TPPP: variants seen among roughly 807,000 people sequenced by gnomAD.
TPPP encodes the protein tubulin polymerization-promoting protein.
Under a neutral mutation model 15.5 loss-of-function variants are expected in TPPP, and 6 were observed. The observed-to-expected ratio is 0.39, with a 90% CI of 0.21 to 0.77. TPPP has a LOEUF of 0.77. Among genes scored for constraint, TPPP ranks in the 30% least tolerant of loss-of-function variants. The pLI, the probability that TPPP is intolerant of heterozygous loss-of-function variation, is 0.42. For synonymous variants in TPPP, 146 were observed against 133.9 expected (o/e 1.09, Z -0.63); for missense variants, 269 against 307.2 (o/e 0.88, Z 0.93).
intron 1 of TPPP, among the ~76,000 whole-genome samples, chr5:680,968 GCC>G (rs1475408321): frequency 6.0e-4 from 92 of 152,348 alleles, no homozygotes; most frequent in African/African-American, 1.4e-3. Flanking sequence ...GGAGATGGGA[GCC>G]ACACTGTCTG....
In TPPP at chr5:677,802, C is replaced by G. The variant is rs1467375576; in HGVS notation, c.259G>C (p.Asp87His). ...TCAGTGACGGTCACGTTCCTGCCGT[C>G]GATCACCTGGCAGTCCTTGCACAGC... ...SKLCKDCQVI[D>H]GRNVTVTDVD... Residue 87 changes from aspartate to histidine, a missense_variant, in exon 2 of 4, where the codon GAC (aspartate) becomes CAC (histidine). Transcript: ENST00000360578. 1.9e-6 allele frequency: 3 copies of G among 1,601,780 alleles called. No individual in the cohort carries two copies. Among genetic ancestry groups the G allele is most frequent in the Non-Finnish European group, 2.6e-6 (3 of 1,172,238 alleles).
chr5:678,270 G>A (rs928024881), intron 1 of TPPP, among the ~76,000 whole-genome samples: 2 of 148,694 alleles, frequency 1.3e-5, no homozygotes, highest in African/African-American at 5.2e-5. Context: ...CGGGCAGAGT[G>A]GAGCCAAGCG....
At chr5:670,043 G>T (rs560348347) in intron 2 of TPPP, among the ~76,000 whole-genome samples, 489 of 152,082 alleles carry the variant, frequency 3.2e-3, no homozygotes, top group Non-Finnish European at 5.3e-3. Context: ...CATACACGAT[G>T]CCCTGCGGGG....
intron 2 of TPPP, among the ~76,000 whole-genome samples, chr5:666,548 A>G (rs985086927): frequency 1.3e-5 from 2 of 152,260 alleles, no homozygotes; most frequent in Non-Finnish European, 2.9e-5. Context: ...ACACAGGAAC[A>G]TGGTTAGGAG....
In TPPP at chr5:669,695, G is replaced by A. The variant is rs117535218; in HGVS notation, c.312-3572C>T. ...GCTGAGGGGCTCCCCCATCAGAGGC[G>A]ACATTCAGATCCGGACACCTGCTCT... On this transcript the variant is annotated intron_variant, in intron 2 of 3. Transcript: ENST00000360578. Among the ~76,000 whole-genome samples, 467 of 152,196 alleles carry A rather than the reference G, an allele frequency of 3.1e-3. 6 individuals carry two copies. Among genetic ancestry groups the A allele is most frequent in the East Asian group, 5.3e-3 (27 of 5,130 alleles).
At chr5:677,002 GCA>G (rs1159512486) in intron 2 of TPPP, among the ~76,000 whole-genome samples, 31 of 147,130 alleles carry the variant, frequency 2.1e-4, no homozygotes, top group African/African-American at 7.0e-4. Flanking sequence ...GCGCACACGT[GCA>G]CACGCAGAAA....
Position 660,659 on chromosome 5 carries a change from G to A in TPPP, c.*4443C>T, listed in dbSNP as rs1471464045. 6.6e-6 allele frequency: 1 copy of A among 152,340 alleles called. No homozygotes were observed. Among genetic ancestry groups the A allele is most frequent in the Non-Finnish European group, 1.5e-5 (1 of 68,096 alleles). The allele number at this position is 152,340 out of a possible 1,614,324, so 9.4% of individuals were successfully genotyped here. On this transcript the variant is annotated 3_prime_UTR_variant, in exon 4 of 4. Transcript: ENST00000360578. ...GGACAGGTAAGTGTCCAGGGCCAAG[G>A]CATCTCCATCTCAACTCCTCCCCAC... is the stretch of plus-strand genomic sequence containing the variant.
chr5:673,163 TC>T (rs1740282147), intron 2 of TPPP, among the ~76,000 whole-genome samples: 1 of 151,952 alleles, frequency 6.6e-6, no homozygotes, highest in Non-Finnish European at 1.5e-5. Flanking sequence ...CAAAAGCAAC[TC>T]CCACAGGCCC....
At chr5:677,085 C>G (rs72707043) in intron 2 of TPPP, among the ~76,000 whole-genome samples, 4 of 152,188 alleles carry the variant, frequency 2.6e-5, no homozygotes, top group Non-Finnish European at 5.9e-5. Flanking sequence ...GTGCACACGA[C>G]GCAGAAAAAG....
intron 2 of TPPP, among the ~76,000 whole-genome samples, chr5:675,053 G>A (rs1580086897): frequency 3.1e-5 from 3 of 95,612 alleles, no homozygotes; most frequent in Admixed American, 9.6e-5. Flanking sequence ...CAGTATGGCT[G>A]GGGGTGCAGT....
chr5:681,935 C>T (rs1311557983), intron 1 of TPPP, among the ~76,000 whole-genome samples: 6 of 152,106 alleles, frequency 3.9e-5, no homozygotes, highest in East Asian at 1.9e-4. Context: ...TCCAAGGACT[C>T]GGCCACCTAG....
At chr5:665,396 C>G in intron 3 of TPPP, 100 bp from the exon 4 acceptor site, 1 of 1,142,542 alleles carries the variant, frequency 8.8e-7, no homozygotes, top group Non-Finnish European at 1.2e-6. Context: ...AGCGGTGGGG[C>G]ACTGGGCAAG....
intron 2 of TPPP, among the ~76,000 whole-genome samples, chr5:667,791 G>T (rs1457489899): frequency 6.6e-6 from 1 of 152,116 alleles, no homozygotes; most frequent in Non-Finnish European, 1.5e-5. Flanking sequence ...CACACGGAGA[G>T]GGGTCCGCGT....
intron 1 of TPPP, among the ~76,000 whole-genome samples, chr5:685,522 G>A (rs1251683283): frequency 6.6e-6 from 1 of 152,228 alleles, no homozygotes; most frequent in Non-Finnish European, 1.5e-5. Flanking sequence ...GGGGTGGGAG[G>A]GGCCCTGCAC....
chr5:672,584 G>C (rs563028985), intron 2 of TPPP, among the ~76,000 whole-genome samples: 1 of 152,222 alleles, frequency 6.6e-6, no homozygotes, highest in South Asian at 2.1e-4. Flanking sequence ...CTCGCCCAGA[G>C]GCTGGTGGTG....
rs563228941 is a variant in TPPP at position 661,755 on chromosome 5, A to G, written c.*3347T>C. 1 of 152,520 alleles carries G rather than the reference A, an allele frequency of 6.6e-6. No individual in the cohort carries two copies. The highest frequency in any genetic ancestry group is 1.5e-5 in the Non-Finnish European group (1 of 68,044). The allele number at this position is 152,520 out of a possible 1,614,324, so 9.4% of individuals were successfully genotyped here. A position where few individuals can be genotyped will look rare whatever the true frequency, so the allele number is the denominator to read the frequency against. On this transcript the variant is annotated 3_prime_UTR_variant, in exon 4 of 4. Transcript: ENST00000360578. ...CAAGTTGTAACTGACAGTGGTGACC[A>G]CTATGTCCTCGTGACTTTATTTTTG...
chr5:678,462 C>A (rs1314502762), intron 1 of TPPP, among the ~76,000 whole-genome samples: 1 of 144,430 alleles, frequency 6.9e-6, no homozygotes, highest in Non-Finnish European at 1.5e-5. Context: ...TTCCACTGTC[C>A]CTCCTGTGGA....
At chr5:697,501 G>T (rs866954750), upstream of TPPP, among the ~76,000 whole-genome samples, 1 of 152,060 alleles carries the variant, frequency 6.6e-6, no homozygotes, top group Admixed American at 6.6e-5. Flanking sequence ...GCGGAGGGCC[G>T]CAGAGAAGGG....
At position 692,883 on chromosome 5, in the gene TPPP, G is replaced by C. The variant is rs866706164; in HGVS notation, c.-5+395C>G. ...CACGCCTCACACCGGCGGCCCCCTAGGCCTGGGAATAGGGAAACGGTTCGA... is the reference window on the plus strand; with the variant it reads ...CACGCCTCACACCGGCGGCCCCCTACGCCTGGGAATAGGGAAACGGTTCGA... On this transcript the variant is annotated intron_variant, in intron 1 of 3. Transcript: ENST00000360578. 3.0e-3 allele frequency: 2,805 copies of C among 947,690 alleles called. 46 individuals carry two copies. Among genetic ancestry groups the C allele is most frequent in the Middle Eastern group, 4.3e-3 (8 of 1,872 alleles). The allele number at this position is 947,690 out of a possible 1,614,324, so 58.7% of individuals were successfully genotyped here. A position where few individuals can be genotyped will look rare whatever the true frequency, so the allele number is the denominator to read the frequency against.
Sources: allele counts gnomAD v4.1 joint callset (sites outside exome capture counted in the v4.1 genomes callset), GRCh38; gene constraint gnomAD v4.1.1; transcripts MANE v1.5; gene names NCBI Gene and HGNC (gene_info 2026-07-23, HGNC 2026-07-21).